Variants in NBEA observed in about 807,000 individuals in gnomAD.
The protein encoded by NBEA is neurobeachin.
Under a neutral mutation model 343.4 loss-of-function variants are expected in NBEA, and 44 were observed. The ratio of observed to expected loss-of-function variants is 0.13; its 90% confidence interval spans 0.10 to 0.16. The LOEUF is 0.16. NBEA is among the 10% of genes least tolerant of loss of function. The probability of loss-of-function intolerance (pLI) is 1.00; values close to 1 mark genes in which losing one functional copy is unlikely to be tolerated. For missense variants in NBEA, 2,555 were observed against 3,631.3 expected (o/e 0.70, Z 7.62); for synonymous variants, 1,175 against 1,238.7 (o/e 0.95, Z 1.08).
chr13:35,541,024 A>G (rs1275988910), intron 41 of NBEA, among the ~76,000 whole-genome samples: 1 of 152,158 alleles, frequency 6.6e-6, no homozygotes, highest in Non-Finnish European at 1.5e-5. Flanking sequence ...TAAAAATCTT[A>G]TAGCAGCTCT....
chr13:35,022,973 CAA>C (rs2061900081), intron 1 of NBEA, among the ~76,000 whole-genome samples: 2 of 152,078 alleles, frequency 1.3e-5, no homozygotes, highest in South Asian at 2.1e-4. Context: ...ATTAATAACT[CAA>C]GAGCTTTATA....
At chr13:35,098,845 G>T (rs1021258114) in intron 11 of NBEA, among the ~76,000 whole-genome samples, 4 of 151,994 alleles carry the variant, frequency 2.6e-5, no homozygotes, top group African/African-American at 9.7e-5. Flanking sequence ...CCCTGGACAT[G>T]AATCCTCCTT....
At chr13:35,184,939 T>G (rs1264283299) in intron 30 of NBEA, among the ~76,000 whole-genome samples, 1 of 152,158 alleles carries the variant, frequency 6.6e-6, no homozygotes. Flanking sequence ...TGGTGTTTAC[T>G]CCTGTGATTA....
In NBEA at chr13:35,621,353, C is replaced by G. The variant is rs539592618; in HGVS notation, c.7450-6728C>G. 6.6e-5 allele frequency among the ~76,000 whole-genome samples: 10 copies of G among 152,188 alleles called. No homozygotes were observed. The South Asian group carries it at 1.5e-3, about 22-fold the overall frequency. ...TTTGAAATGCCCTTCTCCCAGATGT[C>G]TTTATAGTTCATTTCTTCACTGGGG... On this transcript the variant is annotated intron_variant, in intron 48 of 58. Coordinates refer to ENST00000379939, the MANE Select transcript of NBEA (RefSeq NM_001385012.1).
At chr13:35,343,647 G>A (rs1488839592) in intron 36 of NBEA, among the ~76,000 whole-genome samples, 3 of 152,056 alleles carry the variant, frequency 2.0e-5, no homozygotes, top group Admixed American at 6.6e-5. Flanking sequence ...CCTGAGCTCC[G>A]CCTCCTGTCA....
intron 45 of NBEA, among the ~76,000 whole-genome samples, chr13:35,576,670 ACT>A (rs1451080342): frequency 6.6e-6 from 1 of 152,152 alleles, no homozygotes; most frequent in Non-Finnish European, 1.5e-5. Flanking sequence ...CTGTTGATAT[ACT>A]GTCATATATA....
At chr13:35,193,773 A>G (rs2072377311) in intron 30 of NBEA, among the ~76,000 whole-genome samples, 1 of 151,968 alleles carries the variant, frequency 6.6e-6, no homozygotes, top group African/African-American at 2.4e-5. Flanking sequence ...TATTATTATC[A>G]TATTCCACAG....
chr13:35,517,416 G>A (rs1178833616), intron 41 of NBEA, among the ~76,000 whole-genome samples: 7 of 152,116 alleles, frequency 4.6e-5, no homozygotes, highest in Admixed American at 3.9e-4. Flanking sequence ...TTAGCTCTTA[G>A]TATGCTTTGA....
At chr13:35,650,113 G>T (rs1410604973) in intron 52 of NBEA, among the ~76,000 whole-genome samples, 1 of 152,090 alleles carries the variant, frequency 6.6e-6, no homozygotes, top group Non-Finnish European at 1.5e-5. Flanking sequence ...CAATAATTCA[G>T]GTTCTCCTAC....
chr13:35,088,439 G>A (rs925530364), intron 10 of NBEA, among the ~76,000 whole-genome samples: 3 of 151,820 alleles, frequency 2.0e-5, no homozygotes, highest in East Asian at 3.9e-4. Context: ...TCCATGGTTA[G>A]CCATAGCCAT....
At chr13:35,541,084 C>T (rs1390122879) in intron 41 of NBEA, among the ~76,000 whole-genome samples, 1 of 152,094 alleles carries the variant, frequency 6.6e-6, no homozygotes, top group East Asian at 1.9e-4. Context: ...TATGAGATCT[C>T]GCCCCACATC....
chr13:35,184,895 G>A (rs1369141690), intron 30 of NBEA, among the ~76,000 whole-genome samples: 1 of 152,086 alleles, frequency 6.6e-6, no homozygotes, highest in African/African-American at 2.4e-5. Flanking sequence ...TCCTGTGTAC[G>A]CACTCTGCAA....
At chr13:35,584,864 C>T (rs1421221349) in intron 46 of NBEA, among the ~76,000 whole-genome samples, 2 of 151,778 alleles carry the variant, frequency 1.3e-5, no homozygotes, top group Admixed American at 6.6e-5. Context: ...CTTTTGTTCT[C>T]CTGGGCTCAG....
chr13:35,625,176 A>G (rs1350756161), intron 48 of NBEA, among the ~76,000 whole-genome samples: 1 of 152,216 alleles, frequency 6.6e-6, no homozygotes, highest in East Asian at 1.9e-4. Flanking sequence ...CAAAACCTCA[A>G]AGCATAAACA....
At chr13:35,193,206 G>T (rs866872249) in intron 30 of NBEA, among the ~76,000 whole-genome samples, 1 of 151,866 alleles carries the variant, frequency 6.6e-6, no homozygotes, top group Non-Finnish European at 1.5e-5. Context: ...AGATACAAAT[G>T]TATGTTAAAA....
intron 34 of NBEA, among the ~76,000 whole-genome samples, chr13:35,237,837 T>C (rs2152775351): frequency 6.6e-6 from 1 of 152,338 alleles, no homozygotes; most frequent in South Asian, 2.1e-4. Flanking sequence ...AATTATTTCT[T>C]ATGGGATAAT....
At chr13:34,970,091 G>T (rs1341358951) in intron 1 of NBEA, among the ~76,000 whole-genome samples, 1 of 152,076 alleles carries the variant, frequency 6.6e-6, no homozygotes, top group Non-Finnish European at 1.5e-5. Context: ...TAGCCATTCT[G>T]CCTGGTGTGA....
At position 35,589,187 on chromosome 13, in the gene NBEA, A is replaced by G. The variant is rs17052464; in HGVS notation, c.7177-4141A>G. Among the ~76,000 whole-genome samples the G allele has an allele frequency of 3.8e-3, 575 of 152,262 alleles. 2 individuals carry two copies. Among genetic ancestry groups the G allele is most frequent in the African/African-American group, 0.013 (548 of 41,566 alleles). ...TAGGTTAATTAGTGAAAACTTTTGG[A>G]AGATTCTAAAAGATACTTCTTGGCT... is the stretch of plus-strand genomic sequence containing the variant. On this transcript the variant is annotated intron_variant, in intron 46 of 58. Coordinates refer to ENST00000379939, the MANE Select transcript of NBEA (RefSeq NM_001385012.1).
chr13:35,338,176 A>G (rs1183332157), intron 36 of NBEA, among the ~76,000 whole-genome samples: 1 of 151,912 alleles, frequency 6.6e-6, no homozygotes, highest in African/African-American at 2.4e-5. Context: ...CCAAAAGTTG[A>G]TCCTTTAAAA....
Sources: allele counts gnomAD v4.1 joint callset (sites outside exome capture counted in the v4.1 genomes callset), GRCh38; gene constraint gnomAD v4.1.1; transcripts MANE v1.5; gene names NCBI Gene and HGNC (gene_info 2026-07-23, HGNC 2026-07-21).